PEPD: variants seen among roughly 807,000 people sequenced by gnomAD.
PEPD encodes xaa-Pro dipeptidase.
PEPD carries 53 observed loss-of-function variants against 60.7 expected under a neutral mutation model. The observed-to-expected ratio is 0.87, with a 90% CI of 0.70 to 1.10. The LOEUF (loss-of-function observed/expected upper bound fraction) is 1.10, where lower values mean the gene tolerates loss of function less well. Ranked by LOEUF, PEPD falls within the 50% of genes least tolerant of loss-of-function variation. The probability of loss-of-function intolerance (pLI) is 0.00; values close to 1 mark genes in which losing one functional copy is unlikely to be tolerated. For missense variants in PEPD, 711 were observed against 711.9 expected, an observed-to-expected ratio of 1.00 and a Z score of 0.01; for synonymous variants, 267 against 284.1, an observed-to-expected ratio of 0.94 and a Z score of 0.60.
chr19:33,462,974 C>T (rs544825975), intron 9 of PEPD, 21 bp downstream of exon 9: 60 of 1,531,944 alleles, frequency 3.9e-5, no homozygotes, highest in Middle Eastern at 1.7e-4. Context: ...TAATTTTACC[C>T]GGAGAAACAT....
rs1483808218 is a variant in PEPD at position 33,387,456 on chromosome 19, A to G, written c.1370T>C (p.Val457Ala). 1 of 1,613,878 alleles carries G rather than the reference A, an allele frequency of 6.2e-7. No homozygotes were observed. The highest frequency in any genetic ancestry group is 1.3e-5 in the African/African-American group (1 of 75,058). The change falls in exon 15 of 15, where the codon GTG (valine) becomes GCG (alanine). Residue 457 changes from valine (V) to alanine (A), a missense_variant. Transcript: ENST00000244137. ...CAGCAGCTCTATGCCGCTGTCAGTCACCACGACGTCCTCCTCGATGCGGAC... is the reference window on the plus strand; with the variant it reads ...CAGCAGCTCTATGCCGCTGTCAGTCGCCACGACGTCCTCCTCGATGCGGAC... The part of the protein sequence containing the change: ...GGVRIEEDVV[V>A]TDSGIELLTC...
intron 11 of PEPD, among the ~76,000 whole-genome samples, chr19:33,410,155 G>T (rs1247906447): frequency 6.6e-6 from 1 of 152,202 alleles, no homozygotes; most frequent in African/African-American, 2.4e-5. Flanking sequence ...AGTGGGTGGC[G>T]GTTCCACTGG....
chr19:33,506,732 T>C (rs1303594631), intron 3 of PEPD, among the ~76,000 whole-genome samples: 1 of 119,580 alleles, frequency 8.4e-6, no homozygotes, highest in East Asian at 2.6e-4. Context: ...ACAACCTACA[T>C]ACCACACACC....
intron 6 of PEPD, among the ~76,000 whole-genome samples, 170 bp from the exon 7 acceptor site, chr19:33,478,260 T>G (rs1432570101): frequency 6.6e-6 from 1 of 152,226 alleles, no homozygotes; most frequent in Non-Finnish European, 1.5e-5. Flanking sequence ...TCAGCAGACC[T>G]GGCAGCCTGG....
At position 33,490,017 on chromosome 19, in the gene PEPD, G is replaced by A; in HGVS notation, c.482C>T (p.Ala161Val). The A allele has an allele frequency of 6.2e-7, 1 of 1,610,674 alleles. No individual in the cohort carries two copies. The part of the protein sequence containing the change: ...NTDSGSVCRE[A>V]SFDGISKFEV... ...TCACTTGCTGATGCCGTCAAAGGAG[G>A]CCTCCCTGCAGACACTGCCGCTGTC... The change falls in exon 6 of 15, where the codon GCC (alanine) becomes GTC (valine). Residue 161 changes from alanine (A) to valine (V), a missense_variant. Ala to Val is a moderately conservative substitution (Grantham distance 64). Transcript: ENST00000244137.
intron 14 of PEPD, 43 bp downstream of exon 14, chr19:33,387,846 TG>T: frequency 6.9e-7 from 1 of 1,449,778 alleles, no homozygotes; most frequent in Non-Finnish European, 9.5e-7. Context: ...GCAGTGGAGG[TG>T]GCAGATGTTC....
At chr19:33,447,912 G>A (rs555159517) in intron 9 of PEPD, among the ~76,000 whole-genome samples, 55 of 152,314 alleles carry the variant, frequency 3.6e-4, no homozygotes, top group African/African-American at 1.3e-3. Context: ...TCCTGAGGAC[G>A]CAAACTCAGC....
chr19:33,407,933 G>A (rs571647568), intron 11 of PEPD, among the ~76,000 whole-genome samples: 5 of 152,324 alleles, frequency 3.3e-5, no homozygotes, highest in African/African-American at 4.8e-5. Context: ...GAAGGGGCCC[G>A]GGGGTGGCTG....
chr19:33,467,168 A>G (rs971303818), intron 7 of PEPD, among the ~76,000 whole-genome samples: 32 of 150,612 alleles, frequency 2.1e-4, no homozygotes, highest in Admixed American at 5.3e-4. Flanking sequence ...AAAAAAAAAA[A>G]AAAGAAAGAA....
chr19:33,390,179 CTG>C (rs898820594), intron 13 of PEPD, among the ~76,000 whole-genome samples: 1 of 152,248 alleles, frequency 6.6e-6, no homozygotes, highest in Non-Finnish European at 1.5e-5. Flanking sequence ...AGAATAGACT[CTG>C]AGCACAAAGA....
chr19:33,419,428 A>AT (rs1968962516), intron 9 of PEPD, among the ~76,000 whole-genome samples: 2 of 152,260 alleles, frequency 1.3e-5, no homozygotes, highest in Non-Finnish European at 2.9e-5. Flanking sequence ...ATTTAGCATG[A>AT]TAACAACCCT....
intron 11 of PEPD, among the ~76,000 whole-genome samples, chr19:33,402,706 C>T (rs1165328552): frequency 2.0e-5 from 3 of 152,180 alleles, no homozygotes; most frequent in African/African-American, 7.2e-5. Flanking sequence ...TGGCACCCTC[C>T]GGTGGCAGGC....
At chr19:33,520,719 GATCCCCC>G (rs1971115363) in intron 1 of PEPD, among the ~76,000 whole-genome samples, 1 of 152,078 alleles carries the variant, frequency 6.6e-6, no homozygotes, top group Admixed American at 6.6e-5. Flanking sequence ...CAGTCCACTA[GATCCCCC>G]ATTCTGACCT....
intron 7 of PEPD, among the ~76,000 whole-genome samples, chr19:33,475,508 A>G (rs1970199145): frequency 6.6e-6 from 1 of 152,042 alleles, no homozygotes; most frequent in Non-Finnish European, 1.5e-5. Flanking sequence ...ACTGCCATCA[A>G]CTTTCTGCTG....
chr19:33,407,306 G>C (rs909116077), intron 11 of PEPD, among the ~76,000 whole-genome samples: 26 of 152,256 alleles, frequency 1.7e-4, no homozygotes, highest in African/African-American at 5.8e-4. Context: ...GTCCCTCTCT[G>C]GGCGCACTGC....
rs139528399 is a variant in PEPD, at chr19:33,392,718, C to T, written c.968-1239G>A. Reference sequence around the variant, plus strand: ...AGCCAGAGCCTGCTCTGCATGGTCCCGATCACTGCTGTGGGAGGGGCCGGG... The same window carrying T: ...AGCCAGAGCCTGCTCTGCATGGTCCTGATCACTGCTGTGGGAGGGGCCGGG... On this transcript the variant is annotated intron_variant, in intron 12 of 14. Coordinates refer to ENST00000244137, the MANE Select transcript of PEPD (RefSeq NM_000285.4). Among the ~76,000 whole-genome samples, 142 of 152,324 alleles carry T rather than the reference C, an allele frequency of 9.3e-4. 1 individual carries two copies. The East Asian group carries it at 0.024, about 26-fold the overall frequency.
In PEPD at chr19:33,507,377, A is replaced by C. The variant is rs111857903; in HGVS notation, c.329+3651T>G. 7.2e-3 allele frequency among the ~76,000 whole-genome samples: 1,093 copies of C among 152,138 alleles called. 8 individuals are homozygous for C. The highest frequency in any genetic ancestry group is 9.8e-3 in the Non-Finnish European group (665 of 67,994). On this transcript the variant is annotated intron_variant, in intron 3 of 14. Coordinates refer to ENST00000244137, the MANE Select transcript of PEPD (RefSeq NM_000285.4). ...ACACCACACACTATTGTTAGCAGAG[A>C]CTCTGAATAAAAATGCATTCAGAGC... is the stretch of plus-strand genomic sequence containing the variant.
Position 33,456,191 on chromosome 19 carries a change from G to T in PEPD, c.671+6804C>A, listed in dbSNP as rs549124889. The stretch of plus-strand genomic sequence containing the variant: ...TCATTCTCGGATCCCTGGCTCTGTC[G>T]AATCTCTGGTGGAGAGACTCTCCAC... On this transcript the variant is annotated intron_variant, in intron 9 of 14. Coordinates refer to ENST00000244137, the MANE Select transcript of PEPD (RefSeq NM_000285.4). Among the ~76,000 whole-genome samples, 274 of 152,162 alleles carry T rather than the reference G, an allele frequency of 1.8e-3. 1 individual carries two copies. Among genetic ancestry groups the T allele is most frequent in the South Asian group, 3.9e-3 (19 of 4,822 alleles).
rs541411832 is a variant in PEPD, at chr19:33,454,328, G to A, written c.671+8667C>T. Among the ~76,000 whole-genome samples, 10 of 152,284 alleles carry A rather than the reference G, an allele frequency of 6.6e-5. 1 individual carries two copies. The highest frequency in any genetic ancestry group is 2.6e-4 in the Admixed American group (4 of 15,298). On this transcript the variant is annotated intron_variant, in intron 9 of 14. Transcript: ENST00000244137. ...AAGTTTTTTAAAAAAGAGGCCAGGC[G>A]CAGTGGCTCACACCTGTAATCCCAG...
Sources: gnomAD v4.1 joint callset for allele counts (sites outside exome capture counted in the v4.1 genomes callset) on GRCh38, gnomAD v4.1.1 for gene constraint, MANE v1.5 for transcripts, NCBI Gene and HGNC (gene_info 2026-07-23, HGNC 2026-07-21) for gene names.